Variants in PZP observed in about 807,000 individuals in gnomAD.
The protein encoded by PZP is PZP alpha-2-macroglobulin like.
PZP carries 150 observed loss-of-function variants against 179.8 expected under a neutral mutation model. The observed-to-expected ratio is 0.83, with a 90% CI of 0.73 to 0.96. The LOEUF is 0.96. Among genes scored for constraint, PZP ranks in the 40% least tolerant of loss-of-function variants. The probability of loss-of-function intolerance (pLI) is 0.00; values close to 1 mark genes in which losing one functional copy is unlikely to be tolerated. For missense variants in PZP, 1,689 were observed against 1,764.0 expected (o/e 0.96, Z 0.76); for synonymous variants, 624 against 652.3 (o/e 0.96, Z 0.66).
At position 9,152,309 on chromosome 12, in the gene PZP, A is replaced by G. The variant is rs776219055; in HGVS notation, c.4123T>C (p.Tyr1375His). The change falls in exon 32 of 36, where the codon TAC becomes CAC. Residue 1375 changes from tyrosine to histidine, a missense_variant and splice_region_variant. By Grantham distance (83) the Tyr-to-His change is moderately conservative. This residue lies in a region of PZP where 746 missense variants were observed against 749.2 expected (regional missense o/e 1.00). Transcript: ENST00000261336. ...TTGGAAGCAGGACGGTTTCCTGTGTAACTGTAGTGTCAAAGGAAAAAGAAT... is the reference window on the plus strand; with the variant it reads ...TTGGAAGCAGGACGGTTTCCTGTGTGACTGTAGTGTCAAAGGAAAAAGAAT... ...TSFQISLTIS[Y>H]TGNRPASNMV... 1 of 1,609,370 alleles carries G rather than the reference A, an allele frequency of 6.2e-7. No homozygotes were observed. Among genetic ancestry groups the G allele is most frequent in the South Asian group, 1.1e-5 (1 of 90,980 alleles).
chr12:9,190,837 T>C (rs1943418255), intron 13 of PZP, among the ~76,000 whole-genome samples: 1 of 152,134 alleles, frequency 6.6e-6, no homozygotes, highest in Admixed American at 6.5e-5. Flanking sequence ...AAGAGAACAA[T>C]ATGAGGAAGC....
At chr12:9,179,386 A>C (rs1055476823) in intron 15 of PZP, among the ~76,000 whole-genome samples, 1 of 152,190 alleles carries the variant, frequency 6.6e-6, no homozygotes, top group South Asian at 2.1e-4. Context: ...TCCAGCATGT[A>C]GTAAGCTTGA....
chr12:9,157,256 C>A lies in PZP; in HGVS notation c.3469G>T (p.Ala1157Ser). The A allele has an allele frequency of 6.2e-7, 1 of 1,614,132 alleles. No homozygotes were observed. The highest frequency in any genetic ancestry group is 1.1e-5 in the South Asian group (1 of 91,080). Residue 1157 changes from alanine (A) to serine (S), a missense_variant, in exon 28 of 36, where the codon GCC becomes TCC. By Grantham distance (99) the Ala-to-Ser change is moderately conservative. Coordinates refer to ENST00000261336, the MANE Select transcript of PZP (RefSeq NM_002864.3). ...TTTCCCAGTAGGGAAAAAGCATAGG[C>A]CAGCAATGCCTTGGTGTAGACATGG... Reference protein sequence around the residue: ...GSHVYTKALLAYAFSLLGKQN... With the variant: ...GSHVYTKALLSYAFSLLGKQN...
intron 28 of PZP, among the ~76,000 whole-genome samples, chr12:9,155,316 G>C (rs1258816386): frequency 6.6e-6 from 1 of 151,806 alleles, no homozygotes; most frequent in Admixed American, 6.6e-5. Context: ...CTCTCCAACT[G>C]AATCAGTCCG....
At chr12:9,192,371 A>C in intron 12 of PZP, 115 bp from the exon 13 acceptor site, 1 of 1,288,486 alleles carries the variant, frequency 7.8e-7, no homozygotes, top group Non-Finnish European at 1.1e-6. Context: ...AATCAACCTC[A>C]AGAAAACTCA....
chr12:9,191,962 A>G (rs1278611748), intron 13 of PZP, among the ~76,000 whole-genome samples: 3 of 152,260 alleles, frequency 2.0e-5, no homozygotes, highest in African/African-American at 4.8e-5. Context: ...AACAAACTAA[A>G]GTGAAAAACT....
Position 9,196,589 on chromosome 12 carries a change from T to A in PZP, c.964A>T (p.Ile322Phe). ...FEMKLRVEAR[I>F]REEGTDLEVT... ...CTCACACCTGTCCCCTCTTCTCTGA[T>A]CCTGGCTTCCACTCTAAGCTTCATT... is the stretch of plus-strand genomic sequence containing the variant. The change falls in exon 9 of 36, where the codon ATC becomes TTC. Residue 322 changes from isoleucine to phenylalanine, a missense_variant. Around this residue, in one of 3 missense-constraint regions of PZP, gnomAD observed 742 missense variants for 730.5 expected, o/e 1.02. Coordinates refer to ENST00000261336, the MANE Select transcript of PZP (RefSeq NM_002864.3). The A allele has an allele frequency of 6.2e-7, 1 of 1,610,326 alleles. No individual in the cohort carries two copies. Among genetic ancestry groups the A allele is most frequent in the South Asian group, 1.1e-5 (1 of 90,990 alleles).
At chr12:9,142,278 T>A in the PZP span, among the ~76,000 whole-genome samples, 3 of 152,220 alleles carry the variant, frequency 2.0e-5, no homozygotes, top group Non-Finnish European at 4.4e-5. Context: ...AAGATGAAGC[T>A]ATCTTTATTA....
intron 15 of PZP, among the ~76,000 whole-genome samples, chr12:9,177,413 G>A (rs893948448): frequency 3.9e-5 from 6 of 152,256 alleles, no homozygotes; most frequent in Middle Eastern, 3.4e-3. Context: ...AGCTTTGGCC[G>A]CCATGTTAAT....
chr12:9,160,115 C>T (rs1941066128), intron 24 of PZP, 90 bp from the exon 25 acceptor site: 2 of 1,283,734 alleles, frequency 1.6e-6, no homozygotes, highest in Non-Finnish European at 1.1e-6. Flanking sequence ...GCGCCATGGA[C>T]ATTTTATGAC....
At position 9,201,310 on chromosome 12, in the gene PZP, C is replaced by CT. The variant is rs773256607; in HGVS notation, c.501+16dup. The CT allele has an allele frequency of 7.4e-5, 113 of 1,525,856 alleles. No individual in the cohort carries two copies. In the African/African-American group the frequency reaches 1.4e-3, roughly 19 times the overall value. The allele number at this position is 1,525,856 out of a possible 1,614,324, so 94.5% of individuals were successfully genotyped here. ...AAAGCACTAATTTCCTTATAAGATA[C>CT]TTTTTCTGATACTTACCTCAAGGTA... On this transcript the variant is annotated intron_variant, in intron 5 of 35. Transcript: ENST00000261336.
chr12:9,173,548 GAA>G (rs918419271), intron 15 of PZP, among the ~76,000 whole-genome samples: 1 of 151,232 alleles, frequency 6.6e-6, no homozygotes, highest in African/African-American at 2.4e-5. Context: ...TGGTTTTTTT[GAA>G]AAAAAGTTAA....
chr12:9,189,167 T>A (rs1168420855), intron 13 of PZP, among the ~76,000 whole-genome samples: 1 of 151,950 alleles, frequency 6.6e-6, no homozygotes, highest in African/African-American at 2.4e-5. Flanking sequence ...TATATGGAAC[T>A]AAAAAAAGAG....
At chr12:9,186,644 A>AT (rs1407154778) in intron 13 of PZP, among the ~76,000 whole-genome samples, 1 of 152,134 alleles carries the variant, frequency 6.6e-6, no homozygotes, top group African/African-American at 2.4e-5. Context: ...AATGTGGCAC[A>AT]TATACACCAT....
the PZP span, among the ~76,000 whole-genome samples, chr12:9,142,853 GT>G: frequency 1.3e-5 from 2 of 152,112 alleles, no homozygotes; most frequent in South Asian, 4.2e-4. Context: ...GAAAACAAAG[GT>G]TTTTCCCCAA....
At chr12:9,172,778 TATC>T in intron 15 of PZP, among the ~76,000 whole-genome samples, 1 of 141,226 alleles carries the variant, frequency 7.1e-6, no homozygotes, top group African/African-American at 3.2e-5. Flanking sequence ...AAGAGCTAAC[TATC>T]CTAAATATAT....
Position 9,160,031 on chromosome 12 carries a change from A to C in PZP, c.3050-6T>G. ...GTTCAGCTGTCTCTGGTAACCTGAA[A>C]TGGAAGGCTTCAGATTGTTCATGAA... On this transcript the variant is annotated splice_region_variant and splice_polypyrimidine_tract_variant and intron_variant, in intron 24 of 35. Coordinates refer to ENST00000261336, the MANE Select transcript of PZP (RefSeq NM_002864.3). 1 of 1,611,222 alleles carries C rather than the reference A, an allele frequency of 6.2e-7. No homozygotes were observed. Among genetic ancestry groups the C allele is most frequent in the Non-Finnish European group, 8.5e-7 (1 of 1,177,438 alleles).
chr12:9,160,864 G>A (rs1251508619), intron 23 of PZP, among the ~76,000 whole-genome samples, 169 bp downstream of exon 23: 1 of 151,298 alleles, frequency 6.6e-6, no homozygotes, highest in Non-Finnish European at 1.5e-5. Context: ...GCAGTGAGCC[G>A]AGATCACGTC....
intron 7 of PZP, among the ~76,000 whole-genome samples, chr12:9,198,194 T>C (rs1162418395): frequency 2.0e-5 from 3 of 151,508 alleles, no homozygotes; most frequent in Non-Finnish European, 4.4e-5. Flanking sequence ...ACAAGCTTTT[T>C]AAAAAGATTA....
Sources: allele counts gnomAD v4.1 joint callset (sites outside exome capture counted in the v4.1 genomes callset), GRCh38; gene constraint gnomAD v4.1.1; regional missense constraint gnomAD v4.1.1; transcripts MANE v1.5; gene names NCBI Gene and HGNC (gene_info 2026-07-23, HGNC 2026-07-21).